The following MEP1A variants were observed in gnomAD, a reference collection of about 807,000 sequenced individuals.
MEP1A encodes N-benzoyl-L-tyrosyl-P-amino-benzoic acid hydrolase subunit alpha.
Under a neutral mutation model 84.5 loss-of-function variants are expected in MEP1A, and 68 were observed. The observed-to-expected ratio is 0.80, with a 90% CI of 0.66 to 0.98. The LOEUF (loss-of-function observed/expected upper bound fraction) is 0.98, where lower values mean the gene tolerates loss of function less well. MEP1A is among the 50% of genes least tolerant of loss of function. MEP1A has a pLI of 0.00. For synonymous variants in MEP1A, 337 were observed against 336.8 expected (o/e 1.00, Z -0.01); for missense variants, 887 against 919.9 (o/e 0.96, Z 0.46).
chr6:46,793,560 T>TC lies in MEP1A; in HGVS notation c.79dup (p.Leu27ProfsTer3). On this transcript the variant is annotated frameshift_variant, in exon 2 of 14. Coordinates refer to ENST00000230588, the MANE Select transcript of MEP1A (RefSeq NM_005588.3). LOFTEE classifies it high-confidence loss of function. Reference sequence around the variant, plus strand: ...ATATTTATTTTTTTCAGATTAAGTATCTTCCTGAAGAAAATGGTAAGAATT... The same window carrying TC: ...ATATTTATTTTTTTCAGATTAAGTATCCTTCCTGAAGAAAATGGTAAGAATT... 3.2e-6 allele frequency: 5 copies of TC among 1,553,482 alleles called. No homozygotes were observed. The highest frequency in any genetic ancestry group is 4.4e-6 in the Non-Finnish European group (5 of 1,137,484).
At chr6:46,807,569 G>GAAAGAAAGA (rs1562106673) in intron 5 of MEP1A, among the ~76,000 whole-genome samples, 46 of 17,688 alleles carry the variant, frequency 2.6e-3, no homozygotes, top group Non-Finnish European at 3.2e-3. Flanking sequence ...AGAAAGAAAG[G>GAAAGAAAGA]AAGGAAGGAA....
In MEP1A at chr6:46,834,334, A is replaced by G. The variant is rs1029049842; in HGVS notation, c.1610-244A>G. 9.2e-5 allele frequency among the ~76,000 whole-genome samples: 14 copies of G among 152,072 alleles called. 1 individual carries two copies. ...CTCAGTAGCAGACAACTGATCACTCAGAGCTGTGATTCTCTGCCTCTCCCA... is the reference window on the plus strand; with the variant it reads ...CTCAGTAGCAGACAACTGATCACTCGGAGCTGTGATTCTCTGCCTCTCCCA... On this transcript the variant is annotated intron_variant, in intron 11 of 13. Coordinates refer to ENST00000230588, the MANE Select transcript of MEP1A (RefSeq NM_005588.3).
rs1053371193 is a variant in MEP1A, at chr6:46,807,133, G to A, written c.263-2287G>A. ...CCTTCTTATGCTTATCTTCTAATACGTACAGCCATTGGTATCTAAAATTAA... is the reference window on the plus strand; with the variant it reads ...CCTTCTTATGCTTATCTTCTAATACATACAGCCATTGGTATCTAAAATTAA... On this transcript the variant is annotated intron_variant, in intron 5 of 13. Transcript: ENST00000230588. Among the ~76,000 whole-genome samples, 5 of 150,902 alleles carry A rather than the reference G, an allele frequency of 3.3e-5. 1 individual carries two copies. Among genetic ancestry groups the A allele is most frequent in the Admixed American group, 1.3e-4 (2 of 15,080 alleles).
chr6:46,819,453 T>G, intron 6 of MEP1A, 76 bp from the exon 7 acceptor site: 1 of 1,198,986 alleles, frequency 8.3e-7, no homozygotes, highest in Non-Finnish European at 1.2e-6. Flanking sequence ...CCTCCTAATT[T>G]GTGTTTTGGA....
intron 7 of MEP1A, among the ~76,000 whole-genome samples, chr6:46,822,732 A>T (rs9472878): frequency 0.014 from 2,172 of 152,148 alleles, 46 homozygotes; most frequent in African/African-American, 0.049. Flanking sequence ...TTTAGTAGAG[A>T]TGGGGTTTCA....
intron 9 of MEP1A, among the ~76,000 whole-genome samples, chr6:46,827,294 T>G (rs933290674): frequency 6.6e-6 from 1 of 152,230 alleles, no homozygotes; most frequent in Non-Finnish European, 1.5e-5. Flanking sequence ...CATCAAGATA[T>G]TGATGTCTAC....
chr6:46,845,594 A>G, the MEP1A span, among the ~76,000 whole-genome samples: 1 of 152,234 alleles, frequency 6.6e-6, no homozygotes, highest in South Asian at 2.1e-4. Flanking sequence ...TGCCACATAC[A>G]CATGAACATT....
chr6:46,810,449 C>T (rs1253014478), intron 6 of MEP1A, among the ~76,000 whole-genome samples: 2 of 152,010 alleles, frequency 1.3e-5, no homozygotes, highest in Non-Finnish European at 2.9e-5. Context: ...TTTCTTTTGC[C>T]ATGCAGAAGC....
At chr6:46,793,770 T>A in intron 3 of MEP1A, 54 bp downstream of exon 3, 1 of 1,269,484 alleles carries the variant, frequency 7.9e-7, no homozygotes, top group Non-Finnish European at 1.1e-6. Context: ...AACCCAGTGG[T>A]GGGATTACTG....
intron 6 of MEP1A, among the ~76,000 whole-genome samples, chr6:46,810,429 C>A (rs533673697): frequency 6.6e-6 from 1 of 152,126 alleles, no homozygotes; most frequent in Non-Finnish European, 1.5e-5. Context: ...TCTGTTAACT[C>A]TGCTGATTAT....
chr6:46,831,052 A>C (rs1190821406), intron 10 of MEP1A, among the ~76,000 whole-genome samples: 1 of 152,222 alleles, frequency 6.6e-6, no homozygotes. Flanking sequence ...AGTTTCTTAC[A>C]CTGCTGTGCT....
chr6:46,807,512 TAAAGAAAGAAAGAAAGAAAGAAAGAAAG>T (rs60287159), intron 5 of MEP1A, among the ~76,000 whole-genome samples: 1 of 49,590 alleles, frequency 2.0e-5, no homozygotes, highest in South Asian at 6.5e-4. Context: ...CCATCTGAAA[TAAAGAAAGAAAGAAAGAAAGAAAGAAAG>T]AAAGAAAGAA....
intron 6 of MEP1A, among the ~76,000 whole-genome samples, chr6:46,812,878 G>A (rs1767538305): frequency 6.6e-6 from 1 of 151,952 alleles, no homozygotes; most frequent in African/African-American, 2.4e-5. Context: ...CTTGTTTTGT[G>A]GTCTATCATA....
intron 10 of MEP1A, among the ~76,000 whole-genome samples, chr6:46,831,837 C>A (rs1375057431): frequency 2.6e-5 from 4 of 152,178 alleles, no homozygotes; most frequent in Admixed American, 6.5e-5. Context: ...GGCTGCCATG[C>A]TCTCCGCAGG....
chr6:46,827,655 T>C (rs1394414387), intron 9 of MEP1A, among the ~76,000 whole-genome samples: 2 of 152,170 alleles, frequency 1.3e-5, no homozygotes, highest in Non-Finnish European at 2.9e-5. Flanking sequence ...ACTGACACTT[T>C]TCCTCCATCT....
rs201058372 is a variant in MEP1A at position 46,793,643 on chromosome 6, AT to A, written c.95-15del. ...TTTTCCTTCGGCAAGACTAATAATA[AT>A]TTTTTTTCTCACTTTTAACAGTACA... is the stretch of plus-strand genomic sequence containing the variant. On this transcript the variant is annotated intron_variant, in intron 2 of 13. Transcript: ENST00000230588. 3,402 of 1,592,370 alleles carry A rather than the reference AT, an allele frequency of 2.1e-3. 41 individuals carry two copies. The African/African-American group carries it at 0.033, about 16-fold the overall frequency.
chr6:46,814,868 GGAGTACAAA>G (rs139738556), intron 6 of MEP1A, among the ~76,000 whole-genome samples: 44,668 of 151,856 alleles, frequency 0.29, 7,025 homozygotes, highest in Admixed American at 0.35. Flanking sequence ...CTGGTACTGA[GGAGTACAAA>G]GAGTCTGGTG....
chr6:46,809,313 C>T, intron 5 of MEP1A, 107 bp from the exon 6 acceptor site: 1 of 688,276 alleles, frequency 1.5e-6, no homozygotes, highest in Non-Finnish European at 2.3e-6. Context: ...CCCTATCATG[C>T]ACCTCTGTGG....
rs1027914322 is a variant in MEP1A, at chr6:46,835,476, A to G, written c.2011A>G (p.Arg671Gly). 16 of 1,613,370 alleles carry G rather than the reference A, an allele frequency of 9.9e-6. No individual in the cohort carries two copies. Among genetic ancestry groups the G allele is most frequent in the Non-Finnish European group, 1.4e-5 (16 of 1,179,714 alleles). ...LEDHNWPQYF[R>G]DPCDPNPCQN... ...GGACCATAACTGGCCACAGTACTTC[A>G]GAGACCCATGTGACCCAAACCCTTG... Residue 671 changes from arginine (R) to glycine (G), a missense_variant, in exon 13 of 14, where the codon AGA becomes GGA. Coordinates refer to ENST00000230588, the MANE Select transcript of MEP1A (RefSeq NM_005588.3).
Sources: gnomAD v4.1 joint callset for allele counts (sites outside exome capture counted in the v4.1 genomes callset) on GRCh38, gnomAD v4.1.1 for gene constraint, MANE v1.5 for transcripts, NCBI Gene and HGNC (gene_info 2026-07-23, HGNC 2026-07-21) for gene names.